The following PTK2 variants were observed in gnomAD, a reference collection of about 807,000 sequenced individuals.
PTK2 encodes protein tyrosine kinase 2.
Under a neutral mutation model 150.1 loss-of-function variants are expected in PTK2, and 45 were observed. That is an observed-to-expected ratio of 0.30 (90% CI 0.24 to 0.38). The LOEUF is 0.38. Ranked by LOEUF, PTK2 falls within the 10% of genes least tolerant of loss-of-function variation. PTK2 has a pLI of 1.00. For synonymous variants in PTK2, 432 were observed against 449.2 expected (o/e 0.96, Z 0.48); for missense variants, 919 against 1,307.3 (o/e 0.70, Z 4.58).
chr8:140,665,059 TTA>T (rs1554627269), intron 30 of PTK2, 62 bp from the exon 35 acceptor site: 20 of 1,431,058 alleles, frequency 1.4e-5, no homozygotes, highest in Non-Finnish European at 1.8e-5. Context: ...TGCTTTTCAG[TTA>T]TATATTTTTT....
Position 140,905,709 on chromosome 8 carries a change from C to G in PTK2, c.-32-14940G>C, listed in dbSNP as rs528017553. On this transcript the variant is annotated intron_variant, in intron 2 of 31. Transcript: ENST00000522684. Reference sequence around the variant, plus strand: ...ATCTACAGAACTCTCCACCCCAGATCAACAGAATATACATTCTTCTCAGCA... The same window carrying G: ...ATCTACAGAACTCTCCACCCCAGATGAACAGAATATACATTCTTCTCAGCA... Among the ~76,000 whole-genome samples the G allele has an allele frequency of 2.6e-5, 4 of 152,266 alleles. No homozygotes were observed. In the South Asian group the frequency reaches 6.2e-4, roughly 24 times the overall value.
Position 140,691,496 on chromosome 8 carries a change from T to C in PTK2, c.2500-4802A>G, listed in dbSNP as rs142810105. Among the ~76,000 whole-genome samples, 30 of 152,270 alleles carry C rather than the reference T, an allele frequency of 2.0e-4. 1 individual carries two copies. In the East Asian group the frequency reaches 5.8e-3, roughly 29 times the overall value. ...ATATTGTTGTAATTTGCTCCTCTCC[T>C]CCTCCCTTTCCCCAAATAGTTGACC... On this transcript the variant is annotated intron_variant, in intron 26 of 31. Coordinates refer to ENST00000522684, the Ensembl canonical transcript of PTK2.
chr8:140,676,765 T>TAAAAAAA lies in PTK2; in HGVS notation c.2563-1273_2563-1267dup, dbSNP rs869199304. Among the ~76,000 whole-genome samples, 71 of 55,558 alleles carry TAAAAAAA rather than the reference T, an allele frequency of 1.3e-3. 4 individuals carry two copies. Among genetic ancestry groups the TAAAAAAA allele is most frequent in the African/African-American group, 4.9e-3 (58 of 11,738 alleles). 36.4% of individuals were successfully genotyped at this position (55,558 alleles called of 152,430 possible). ...ACATGGTGAAACCCCGTCTCTACTTTAAAAAAAAAAAAAAAAAAAAAAAAT... is the reference window on the plus strand; with the variant it reads ...ACATGGTGAAACCCCGTCTCTACTTTAAAAAAAAAAAAAAAAAAAAAAAAAAAAAAAT... On this transcript the variant is annotated intron_variant, in intron 27 of 31. Coordinates refer to ENST00000522684, the Ensembl canonical transcript of PTK2.
At chr8:140,684,261 G>C (rs1019100329) in intron 27 of PTK2, among the ~76,000 whole-genome samples, 2 of 152,220 alleles carry the variant, frequency 1.3e-5, no homozygotes, top group Admixed American at 1.3e-4. Flanking sequence ...TCCCATCTCA[G>C]ATCATCAGGC....
intron 2 of PTK2, among the ~76,000 whole-genome samples, chr8:140,892,254 G>A (rs903961594): frequency 4.6e-5 from 7 of 152,072 alleles, no homozygotes; most frequent in Admixed American, 4.6e-4. Flanking sequence ...CACAGATCCA[G>A]CCAGGCATAG....
At chr8:140,965,652 G>A (rs2100184994) in intron 1 of PTK2, among the ~76,000 whole-genome samples, 2 of 152,188 alleles carry the variant, frequency 1.3e-5, no homozygotes, top group Non-Finnish European at 2.9e-5. Context: ...TAGGGCAGGT[G>A]GATCACCTGA....
intron 1 of PTK2, among the ~76,000 whole-genome samples, chr8:140,996,014 G>C (rs896926379): frequency 6.6e-6 from 1 of 152,224 alleles, no homozygotes; most frequent in Middle Eastern, 3.4e-3. Flanking sequence ...CAACCCGTGA[G>C]GCGGAGGGTG....
intron 15 of PTK2, among the ~76,000 whole-genome samples, chr8:140,763,365 T>C (rs2100070417): frequency 1.3e-5 from 2 of 152,198 alleles, no homozygotes. Context: ...CAAATATATA[T>C]AGCTCTACTG....
rs1454295718 is a variant in PTK2 at position 140,810,233 on chromosome 8, G to A, written c.868-6583C>T. On this transcript the variant is annotated intron_variant, in intron 10 of 31. Transcript: ENST00000522684. ...AGTGCTAGGGATTGCAGCCAGCTGA[G>A]GTGGAGCCCAGAGGGTTTGGTGCAG... Among the ~76,000 whole-genome samples the A allele has an allele frequency of 2.0e-5, 3 of 152,258 alleles. No individual in the cohort carries two copies. The East Asian group carries it at 5.8e-4, about 29-fold the overall frequency.
chr8:140,951,197 T>G (rs1458888882), intron 1 of PTK2, among the ~76,000 whole-genome samples: 1 of 152,116 alleles, frequency 6.6e-6, no homozygotes, highest in East Asian at 1.9e-4. Context: ...TCCCAAACTT[T>G]CCTTTGCTTG....
intron 8 of PTK2, chr8:140,822,404 G>GA (rs1479237141): frequency 6.6e-6 from 1 of 151,610 alleles, no homozygotes; most frequent in Non-Finnish European, 1.5e-5. Context: ...AATGATACCA[G>GA]AAAAGACATC....
At chr8:140,789,055 GC>G (rs2100086725) in intron 14 of PTK2, among the ~76,000 whole-genome samples, 1 of 152,070 alleles carries the variant, frequency 6.6e-6, no homozygotes, top group Admixed American at 6.5e-5. Context: ...TTTTTAAAAA[GC>G]AATACTCAAA....
At chr8:140,683,826 CA>C (rs1252620429) in intron 27 of PTK2, among the ~76,000 whole-genome samples, 1 of 149,452 alleles carries the variant, frequency 6.7e-6, no homozygotes, top group East Asian at 1.9e-4. Context: ...TAAAAACCCT[CA>C]AAAAACTAGG....
At position 140,922,620 on chromosome 8, in the gene PTK2, C is replaced by T. The variant is rs571030259; in HGVS notation, c.-33+3041G>A. ...CACACTGAGTCCATCTTGGAACTTA[C>T]GGCTCTCAAAAGTTACAAAATAAAA... On this transcript the variant is annotated intron_variant, in intron 2 of 31. Transcript: ENST00000522684. 5.3e-5 allele frequency among the ~76,000 whole-genome samples: 8 copies of T among 152,232 alleles called. No individual in the cohort carries two copies. In the East Asian group the frequency reaches 5.8e-4, roughly 11 times the overall value.
At chr8:140,994,395 TG>T (rs2100196851) in intron 1 of PTK2, among the ~76,000 whole-genome samples, 1 of 152,258 alleles carries the variant, frequency 6.6e-6, no homozygotes, top group Admixed American at 6.5e-5. Context: ...AAGTCATCAG[TG>T]CCATTTATTC....
intron 1 of PTK2, among the ~76,000 whole-genome samples, chr8:140,993,268 C>T (rs1022362634): frequency 6.6e-6 from 1 of 152,192 alleles, no homozygotes; most frequent in South Asian, 2.1e-4. Context: ...TGGCCTCTGC[C>T]TCCCAAAGTG....
At chr8:140,804,356 G>A (rs1269847316) in intron 10 of PTK2, among the ~76,000 whole-genome samples, 5 of 151,836 alleles carry the variant, frequency 3.3e-5, no homozygotes, top group Non-Finnish European at 7.4e-5. Flanking sequence ...GAGGGGCTGA[G>A]GTGGGATGAT....
chr8:140,850,017 T>G (rs2100128182), intron 5 of PTK2, among the ~76,000 whole-genome samples: 1 of 152,142 alleles, frequency 6.6e-6, no homozygotes, highest in Admixed American at 6.5e-5. Flanking sequence ...TCTCCTGAGG[T>G]ATTGGAACAC....
upstream of PTK2, among the ~76,000 whole-genome samples, chr8:141,001,651 C>T (rs1001184536): frequency 6.6e-6 from 1 of 152,148 alleles, no homozygotes; most frequent in Non-Finnish European, 1.5e-5. Flanking sequence ...CATCTCCTTC[C>T]CTGCCCCCAA....
Sources: gnomAD v4.1 joint callset for allele counts (sites outside exome capture counted in the v4.1 genomes callset) on GRCh38, gnomAD v4.1.1 for gene constraint, MANE v1.5 for transcripts, NCBI Gene and HGNC (gene_info 2026-07-23, HGNC 2026-07-21) for gene names.